SLC33A1: variants seen among roughly 807,000 people sequenced by gnomAD.
The protein encoded by SLC33A1 is solute carrier family 33 member 1.
In SLC33A1, 20 loss-of-function variants were observed where a neutral mutation model predicts 50.0. That is an observed-to-expected ratio of 0.40 (90% confidence interval 0.28 to 0.58). The LOEUF (loss-of-function observed/expected upper bound fraction) is 0.58, where lower values mean the gene tolerates loss of function less well. Ranked by LOEUF, SLC33A1 falls within the 20% of genes least tolerant of loss-of-function variation. The pLI, the probability that SLC33A1 is intolerant of heterozygous loss-of-function variation, is 0.44. For missense variants in SLC33A1, 476 were observed against 657.0 expected (o/e 0.72, Z 3.01); for synonymous variants, 265 against 251.8 (o/e 1.05, Z -0.50).
intron 1 of SLC33A1, among the ~76,000 whole-genome samples, chr3:155,848,491 G>C (rs780523870): frequency 7.9e-5 from 12 of 152,144 alleles, no homozygotes; most frequent in Non-Finnish European, 1.5e-4. Context: ...GACCATCCTG[G>C]CTAACATGGT....
intron 2 of SLC33A1, among the ~76,000 whole-genome samples, chr3:155,838,592 A>G (rs1752797667): frequency 6.6e-6 from 1 of 150,564 alleles, no homozygotes; most frequent in African/African-American, 2.5e-5. Context: ...GAGGCAGGAG[A>G]ATTGCTTGAA....
intron 1 of SLC33A1, among the ~76,000 whole-genome samples, chr3:155,848,813 A>C (rs1361980948): frequency 6.6e-6 from 1 of 152,236 alleles, no homozygotes; most frequent in Non-Finnish European, 1.5e-5. Context: ...CCTCCAACTC[A>C]GATGACTCAT....
chr3:155,825,347 G>T lies in SLC33A1; in HGVS notation c.*2863C>A, dbSNP rs1752176500. The stretch of plus-strand genomic sequence containing the variant: ...AAAAAAAAAGAAGTCATAAAGACAG[G>T]TTCTTATTATATTGACCAGGTTGGT... On this transcript the variant is annotated 3_prime_UTR_variant, in exon 6 of 6. Coordinates refer to ENST00000643144, the MANE Select transcript of SLC33A1 (RefSeq NM_004733.4). The T allele has an allele frequency of 6.6e-6, 1 of 151,970 alleles. No homozygotes were observed. The highest frequency in any genetic ancestry group is 1.5e-5 in the Non-Finnish European group (1 of 68,008). 9.4% of individuals were successfully genotyped at this position (151,970 alleles called of 1,614,324 possible). A position where few individuals can be genotyped will look rare whatever the true frequency, so the allele number is the denominator to read the frequency against.
intron 1 of SLC33A1, among the ~76,000 whole-genome samples, chr3:155,843,765 T>G (rs1753016529): frequency 6.6e-6 from 1 of 152,200 alleles, no homozygotes; most frequent in Non-Finnish European, 1.5e-5. Context: ...AGTTACATTC[T>G]AAGTCAGTGG....
rs759713131 is a variant in SLC33A1 at position 155,829,921 on chromosome 3, A to C, written c.1267-18T>G. 1.2e-5 allele frequency: 18 copies of C among 1,472,640 alleles called. No homozygotes were observed. In the South Asian group the frequency reaches 2.0e-4, roughly 17 times the overall value. 91.2% of individuals were successfully genotyped at this position (1,472,640 alleles called of 1,614,324 possible). A position where few individuals can be genotyped will look rare whatever the true frequency, so the allele number is the denominator to read the frequency against. On this transcript the variant is annotated intron_variant, in intron 4 of 5. Coordinates refer to ENST00000643144, the MANE Select transcript of SLC33A1 (RefSeq NM_004733.4). ...ACTGTAACCTACGGAAAAATGTAAA[A>C]CATCTTTAGTATGATTATAAAGCTT...
chr3:155,832,723 CAAA>C (rs11303771), intron 4 of SLC33A1, among the ~76,000 whole-genome samples: 3 of 28,132 alleles, frequency 1.1e-4, no homozygotes, highest in Non-Finnish European at 1.7e-4. Flanking sequence ...GACTCTGTCT[CAAA>C]AAAAAAAAAA....
intron 1 of SLC33A1, among the ~76,000 whole-genome samples, chr3:155,844,066 C>G (rs1753031073): frequency 6.6e-6 from 1 of 152,172 alleles, no homozygotes; most frequent in East Asian, 1.9e-4. Flanking sequence ...GAATATTCTT[C>G]AGTCAGGGTT....
chr3:155,851,809 C>G (rs1488605112), intron 1 of SLC33A1, among the ~76,000 whole-genome samples: 10 of 152,162 alleles, frequency 6.6e-5, no homozygotes, highest in African/African-American at 2.4e-4. Context: ...AACCAAACAA[C>G]TGAGGAAAAA....
chr3:155,847,254 T>C (rs1382155062), intron 1 of SLC33A1, among the ~76,000 whole-genome samples: 1 of 152,108 alleles, frequency 6.6e-6, no homozygotes, highest in African/African-American at 2.4e-5. Flanking sequence ...GAATGTAGGG[T>C]AACATTTTAA....
intron 1 of SLC33A1, chr3:155,852,984 G>A (rs1753459111): frequency 1.8e-6 from 1 of 568,258 alleles, no homozygotes; most frequent in Non-Finnish European, 3.1e-6. Flanking sequence ...CCTGGACTCG[G>A]TTGTGTTATT....
intron 1 of SLC33A1, among the ~76,000 whole-genome samples, chr3:155,846,006 G>C (rs184110405): frequency 6.6e-6 from 1 of 152,128 alleles, no homozygotes; most frequent in Non-Finnish European, 1.5e-5. Context: ...CATGATTTCC[G>C]AGTAAAGACC....
At chr3:155,852,321 GAAGAAAA>G (rs1219552000) in intron 1 of SLC33A1, among the ~76,000 whole-genome samples, 91 of 151,754 alleles carry the variant, frequency 6.0e-4, no homozygotes, top group Non-Finnish European at 1.1e-3. Flanking sequence ...TTAAAAAAAA[GAAGAAAA>G]AAGAAAAAAG....
chr3:155,830,757 T>C (rs974742932), intron 4 of SLC33A1, among the ~76,000 whole-genome samples: 24 of 152,088 alleles, frequency 1.6e-4, no homozygotes, highest in African/African-American at 5.8e-4. Flanking sequence ...ATATAAATAC[T>C]CAAATATTTA....
chr3:155,834,415 T>C (rs2109313940), intron 2 of SLC33A1, among the ~76,000 whole-genome samples: 1 of 152,318 alleles, frequency 6.6e-6, no homozygotes, highest in East Asian at 1.9e-4. Flanking sequence ...CAAATCAATC[T>C]GGTTAAAATG....
chr3:155,836,618 C>G (rs1017720444), intron 2 of SLC33A1, among the ~76,000 whole-genome samples: 1 of 152,156 alleles, frequency 6.6e-6, no homozygotes, highest in Non-Finnish European at 1.5e-5. Context: ...AAAGTTTGGT[C>G]TGGCACAGTG....
At position 155,854,016 on chromosome 3, in the gene SLC33A1, C is replaced by G. The variant is rs566560748; in HGVS notation, c.-19G>C. 1.3e-6 allele frequency: 2 copies of G among 1,532,242 alleles called. No homozygotes were observed. Among genetic ancestry groups the G allele is most frequent in the African/African-American group, 2.8e-5 (2 of 72,014 alleles). 94.9% of individuals were successfully genotyped at this position (1,532,242 alleles called of 1,614,324 possible). ...GTGACATATCAGAGACGATGCAGAG[C>G]CCCGTCTGTGGGGGGCCGAGGCTGA... is the stretch of plus-strand genomic sequence containing the variant. On this transcript the variant is annotated 5_prime_UTR_variant, in exon 1 of 6. Coordinates refer to ENST00000643144, the MANE Select transcript of SLC33A1 (RefSeq NM_004733.4).
At chr3:155,837,833 A>T (rs1752750032) in intron 2 of SLC33A1, among the ~76,000 whole-genome samples, 1 of 152,240 alleles carries the variant, frequency 6.6e-6, no homozygotes, top group Non-Finnish European at 1.5e-5. Context: ...TGTAGTATTA[A>T]AAGTTAGGAG....
At chr3:155,830,020 C>G (rs990696146) in intron 4 of SLC33A1, 117 bp from the exon 5 acceptor site, 6 of 716,088 alleles carry the variant, frequency 8.4e-6, no homozygotes, top group African/African-American at 5.3e-5. Flanking sequence ...TTATTGAACT[C>G]AATTCAACAA....
chr3:155,840,709 G>C (rs1752897772), intron 2 of SLC33A1, among the ~76,000 whole-genome samples: 1 of 152,150 alleles, frequency 6.6e-6, no homozygotes, highest in East Asian at 1.9e-4. Flanking sequence ...AGCTACTTGG[G>C]AGGCTGAGGC....
Sources: gnomAD v4.1 joint callset for allele counts (sites outside exome capture counted in the v4.1 genomes callset) on GRCh38, gnomAD v4.1.1 for gene constraint, MANE v1.5 for transcripts, NCBI Gene and HGNC (gene_info 2026-07-23, HGNC 2026-07-21) for gene names.